FSD1L: variants seen among roughly 807,000 people sequenced by gnomAD.
The protein encoded by FSD1L is fibronectin type III and SPRY domain containing 1 like.
A neutral mutation model predicts 71.6 loss-of-function variants in FSD1L; 45 were observed. That is an observed-to-expected ratio of 0.63 (90% CI 0.49 to 0.81). The LOEUF (loss-of-function observed/expected upper bound fraction) is 0.81. Ranked by LOEUF, FSD1L falls within the 30% of genes least tolerant of loss-of-function variation. The pLI is 0.00. For synonymous variants in FSD1L, 197 were observed against 207.2 expected (o/e 0.95, Z 0.42); for missense variants, 561 against 618.1 (o/e 0.91, Z 0.98).
chr9:105,497,398 C>G (rs1398729709), intron 7 of FSD1L, among the ~76,000 whole-genome samples: 1 of 152,140 alleles, frequency 6.6e-6, no homozygotes, highest in African/African-American at 2.4e-5. Flanking sequence ...AGGAAGTATT[C>G]TCTCTATTTT....
At chr9:105,520,642 G>A (rs561929212) in intron 10 of FSD1L, 34 of 1,610,944 alleles carry the variant, frequency 2.1e-5, no homozygotes, top group African/African-American at 1.7e-4. Context: ...GAAGGTGTTC[G>A]TCTTTTCTTA....
At chr9:105,464,068 C>T (rs914808994) in intron 2 of FSD1L, among the ~76,000 whole-genome samples, 168 bp from the exon 3 acceptor site, 1 of 152,122 alleles carries the variant, frequency 6.6e-6, no homozygotes, top group East Asian at 1.9e-4. Flanking sequence ...TATACCCCAT[C>T]TTTTCTAATT....
intron 10 of FSD1L, among the ~76,000 whole-genome samples, chr9:105,533,808 C>T (rs1836083634): frequency 6.6e-6 from 1 of 151,648 alleles, no homozygotes; most frequent in African/African-American, 2.4e-5. Flanking sequence ...CCCGCAACCT[C>T]TGACTCCTGG....
intron 10 of FSD1L, among the ~76,000 whole-genome samples, chr9:105,533,739 T>A (rs981531422): frequency 2.0e-5 from 3 of 150,906 alleles, no homozygotes; most frequent in African/African-American, 4.9e-5. Flanking sequence ...CCTTTTTTTT[T>A]AAGACAGAGT....
intron 7 of FSD1L, among the ~76,000 whole-genome samples, chr9:105,494,768 C>T (rs189912161): frequency 1.3e-5 from 2 of 152,288 alleles, no homozygotes; most frequent in East Asian, 3.9e-4. Flanking sequence ...AGGTGCACTC[C>T]AGACCCTGTT....
At chr9:105,486,172 G>A (rs964500863) in intron 7 of FSD1L, among the ~76,000 whole-genome samples, 7 of 152,172 alleles carry the variant, frequency 4.6e-5, no homozygotes, top group Admixed American at 1.3e-4. Flanking sequence ...AGGAACTGTA[G>A]TTGTAGAGGA....
chr9:105,484,439 A>G lies in FSD1L; in HGVS notation c.523A>G (p.Thr175Ala), dbSNP rs1332690017. 18 of 1,531,252 alleles carry G rather than the reference A, an allele frequency of 1.2e-5. No homozygotes were observed. Among genetic ancestry groups the G allele is most frequent in the Non-Finnish European group, 1.4e-5 (16 of 1,139,102 alleles). 94.9% of individuals were successfully genotyped at this position (1,531,252 alleles called of 1,614,324 possible). A position where few individuals can be genotyped will look rare whatever the true frequency, so the allele number is the denominator to read the frequency against. The change falls in exon 7 of 14, where the codon ACT becomes GCT. Residue 175 changes from threonine to alanine, a missense_variant. Transcript: ENST00000481272. ...GAAACCAAAGGTCAGTGACAACATG[A>G]CTCATTTAATGGTGGATTTCTCACA... ...SLKPKVSDNM[T>A]HLMVDFSQER...
intron 1 of FSD1L, among the ~76,000 whole-genome samples, chr9:105,453,204 CAG>C (rs1187298008): frequency 6.6e-6 from 1 of 151,860 alleles, no homozygotes; most frequent in Non-Finnish European, 1.5e-5. Flanking sequence ...TTTTTTGAGA[CAG>C]AGTCTTGCTC....
intron 10 of FSD1L, chr9:105,521,547 G>C: frequency 6.2e-7 from 1 of 1,613,796 alleles, no homozygotes; most frequent in East Asian, 2.2e-5. Flanking sequence ...TATGAGAAAA[G>C]TGGTAAAAGT....
In FSD1L at chr9:105,547,435, G is replaced by A. The variant is rs1456240799; in HGVS notation, c.*952G>A. 1.3e-5 allele frequency: 2 copies of A among 152,288 alleles called. No homozygotes were observed. Among genetic ancestry groups the A allele is most frequent in the Non-Finnish European group, 2.9e-5 (2 of 67,900 alleles). The allele number at this position is 152,288 out of a possible 1,614,324, so 9.4% of individuals were successfully genotyped here. On this transcript the variant is annotated 3_prime_UTR_variant, in exon 14 of 14. Transcript: ENST00000481272. ...ACTCAATTTTTATCTAAGAAGGATA[G>A]GTTATAAAGGGAGGTACCTAAATAC... is the stretch of plus-strand genomic sequence containing the variant.
chr9:105,487,040 C>T (rs1415254233), intron 7 of FSD1L, among the ~76,000 whole-genome samples: 1 of 152,038 alleles, frequency 6.6e-6, no homozygotes, highest in African/African-American at 2.4e-5. Context: ...GCATATAGTA[C>T]AGCAAGAACT....
In FSD1L at chr9:105,490,646, G is replaced by A. The variant is rs1411387180; in HGVS notation, c.586+6144G>A. On this transcript the variant is annotated intron_variant, in intron 7 of 13. Transcript: ENST00000481272. The stretch of plus-strand genomic sequence containing the variant: ...GGGTTTTTATGGTTTTAGGTCTAAC[G>A]TTTAAGTCTTTAATCCATCTTGAAT... Among the ~76,000 whole-genome samples the A allele has an allele frequency of 1.3e-4, 18 of 140,270 alleles. No homozygotes were observed. In the South Asian group the frequency reaches 3.8e-3, roughly 29 times the overall value. 92.0% of individuals were successfully genotyped at this position (140,270 alleles called of 152,430 possible).
At chr9:105,445,922 C>T (rs542894628), upstream of FSD1L, among the ~76,000 whole-genome samples, 27 of 152,210 alleles carry the variant, frequency 1.8e-4, no homozygotes, top group Admixed American at 4.6e-4. Context: ...ATAGGCCCAC[C>T]CTGGACCCTG....
chr9:105,552,038 G>A lies in FSD1L; in HGVS notation c.*5555G>A, dbSNP rs1259390068. On this transcript the variant is annotated 3_prime_UTR_variant, in exon 14 of 14. Coordinates refer to ENST00000481272, the MANE Select transcript of FSD1L (RefSeq NM_001145313.3). ...CTGGTTATCTCTTGGTATCTCTCCT[G>A]ACATATTTGTTTTGCTTTAAATTGG... is the stretch of plus-strand genomic sequence containing the variant. 1.3e-5 allele frequency: 2 copies of A among 152,172 alleles called. No individual in the cohort carries two copies. Among genetic ancestry groups the A allele is most frequent in the Non-Finnish European group, 2.9e-5 (2 of 68,018 alleles). 9.4% of individuals were successfully genotyped at this position (152,172 alleles called of 1,614,324 possible).
intron 13 of FSD1L, among the ~76,000 whole-genome samples, 156 bp from the exon 14 acceptor site, chr9:105,546,201 GT>G (rs1331929006): frequency 1.3e-5 from 2 of 151,618 alleles, no homozygotes; most frequent in Admixed American, 1.3e-4. Context: ...TTCTGATTTA[GT>G]CTTTCCATTT....
chr9:105,523,283 A>G, intron 10 of FSD1L: 1 of 1,600,164 alleles, frequency 6.2e-7, no homozygotes, highest in Non-Finnish European at 8.6e-7. Context: ...CATTGAATAT[A>G]GATCACATGG....
At chr9:105,487,609 AGG>A (rs1324219882) in intron 7 of FSD1L, among the ~76,000 whole-genome samples, 31 of 152,236 alleles carry the variant, frequency 2.0e-4, no homozygotes, top group African/African-American at 7.5e-4. Flanking sequence ...AATGATATGT[AGG>A]GTAGGACCTT....
chr9:105,529,947 G>A (rs891172935), intron 10 of FSD1L, among the ~76,000 whole-genome samples: 3 of 152,172 alleles, frequency 2.0e-5, no homozygotes, highest in Admixed American at 6.5e-5. Flanking sequence ...GTGAAAGGCG[G>A]AACAGCCATA....
chr9:105,462,080 AAACTT>A (rs1453039145), intron 2 of FSD1L, among the ~76,000 whole-genome samples: 2 of 152,182 alleles, frequency 1.3e-5, no homozygotes, highest in African/African-American at 2.4e-5. Context: ...GCTTGCTACT[AAACTT>A]AGACCAAAAA....
Sources: gnomAD v4.1 joint callset for allele counts (sites outside exome capture counted in the v4.1 genomes callset) on GRCh38, gnomAD v4.1.1 for gene constraint, MANE v1.5 for transcripts, NCBI Gene and HGNC (gene_info 2026-07-23, HGNC 2026-07-21) for gene names.